The following PXDNL variants were observed in gnomAD, a reference collection of about 807,000 sequenced individuals.
The protein encoded by PXDNL is probable oxidoreductase PXDNL.
In PXDNL, 145 loss-of-function variants were observed where a neutral mutation model predicts 150.8. That is an observed-to-expected ratio of 0.96 (90% CI 0.84 to 1.10). The LOEUF is 1.10. Ranked by LOEUF, PXDNL falls within the 50% of genes least tolerant of loss-of-function variation. PXDNL has a pLI of 0.00. For synonymous variants in PXDNL, 757 were observed against 725.7 expected, an observed-to-expected ratio of 1.04 and a Z score of -0.69; for missense variants, 2,087 against 1,873.9, an observed-to-expected ratio of 1.11 and a Z score of -2.10.
In PXDNL at chr8:51,345,833, C is replaced by A. The variant is rs193274927; in HGVS notation, c.4016G>T (p.Arg1339Met). The change falls in exon 20 of 23, where the codon AGG becomes ATG. Residue 1339 changes from arginine (R) to methionine (M), a missense_variant and splice_region_variant. Arg to Met is a moderately conservative substitution (Grantham distance 91). Coordinates refer to ENST00000356297, the MANE Select transcript of PXDNL (RefSeq NM_144651.5). ...AGAAATGAGATATTTCTATACATAC[C>A]TACTTCTTAGATGACTTAACTCCAT... ...KDMELSHLRS[R>M]QQDKIYVGED... The A allele has an allele frequency of 1.9e-6, 3 of 1,571,504 alleles. No individual in the cohort carries two copies. The South Asian group carries it at 3.3e-5, about 17-fold the overall frequency.
At chr8:51,364,523 C>A (rs1001059706) in intron 19 of PXDNL, among the ~76,000 whole-genome samples, 2 of 152,018 alleles carry the variant, frequency 1.3e-5, no homozygotes, top group African/African-American at 4.8e-5. Context: ...CTTCTATGAA[C>A]AATAAAAGTG....
At chr8:51,697,930 G>C (rs1329200547) in intron 1 of PXDNL, among the ~76,000 whole-genome samples, 3 of 152,202 alleles carry the variant, frequency 2.0e-5, no homozygotes, top group Non-Finnish European at 2.9e-5. Context: ...GTACAAACAT[G>C]TTACGTTTAG....
At chr8:51,393,003 A>T (rs1345312121) in intron 17 of PXDNL, among the ~76,000 whole-genome samples, 3 of 152,200 alleles carry the variant, frequency 2.0e-5, no homozygotes, top group African/African-American at 7.2e-5. Context: ...GAAAATACTG[A>T]GTTACATGTC....
At chr8:51,603,620 G>C (rs1030310190) in intron 2 of PXDNL, among the ~76,000 whole-genome samples, 2 of 151,706 alleles carry the variant, frequency 1.3e-5, no homozygotes, top group African/African-American at 4.8e-5. Context: ...GGTGAATGTG[G>C]GTTGCACTAT....
chr8:51,790,706 G>A (rs2037503782), intron 1 of PXDNL, among the ~76,000 whole-genome samples: 2 of 92,844 alleles, frequency 2.2e-5, no homozygotes, highest in Non-Finnish European at 6.0e-5. Flanking sequence ...GGCAGCGGGG[G>A]CGAGGTCCGG....
chr8:51,748,370 T>A (rs4873204), intron 1 of PXDNL, among the ~76,000 whole-genome samples: 1 of 152,202 alleles, frequency 6.6e-6, no homozygotes, highest in Non-Finnish European at 1.5e-5. Context: ...TGTCCTCAGT[T>A]ATCATCTTTC....
intron 2 of PXDNL, among the ~76,000 whole-genome samples, chr8:51,621,712 G>A (rs1420087856): frequency 6.6e-6 from 1 of 151,970 alleles, no homozygotes; most frequent in Non-Finnish European, 1.5e-5. Flanking sequence ...GGCTGAGGTG[G>A]GCGGATCACT....
At chr8:51,745,022 G>T (rs71512159) in intron 1 of PXDNL, among the ~76,000 whole-genome samples, 20,726 of 147,316 alleles carry the variant, frequency 0.14, 2,076 homozygotes, top group Non-Finnish European at 0.19. Context: ...AAGGAAGAAA[G>T]AAAGAAATCA....
At chr8:51,386,754 T>C (rs1334605249) in intron 17 of PXDNL, among the ~76,000 whole-genome samples, 1 of 151,546 alleles carries the variant, frequency 6.6e-6, no homozygotes, top group African/African-American at 2.4e-5. Flanking sequence ...GAGGTGGAGG[T>C]TGTAGTGAGC....
At chr8:51,516,341 A>G (rs1455249975) in intron 4 of PXDNL, among the ~76,000 whole-genome samples, 1 of 152,216 alleles carries the variant, frequency 6.6e-6, no homozygotes, top group Non-Finnish European at 1.5e-5. Flanking sequence ...CAACTCTAGA[A>G]AGAAGTTAAT....
chr8:51,471,137 TA>T (rs1209210044), intron 8 of PXDNL, among the ~76,000 whole-genome samples: 11 of 50,782 alleles, frequency 2.2e-4, no homozygotes, highest in African/African-American at 7.2e-4. Context: ...TAAACAAATT[TA>T]CAAAAAAAAA....
At chr8:51,589,143 T>C (rs1813386388) in intron 3 of PXDNL, among the ~76,000 whole-genome samples, 1 of 152,160 alleles carries the variant, frequency 6.6e-6, no homozygotes, top group East Asian at 1.9e-4. Flanking sequence ...AAGAAGGCCC[T>C]CTCCAGATGC....
intron 1 of PXDNL, among the ~76,000 whole-genome samples, chr8:51,726,896 C>T (rs1268195895): frequency 3.3e-5 from 5 of 152,048 alleles, no homozygotes; most frequent in Admixed American, 3.3e-4. Flanking sequence ...ATTCTTAGAC[C>T]CAGGCAATAC....
intron 2 of PXDNL, among the ~76,000 whole-genome samples, chr8:51,653,091 G>A (rs1023317873): frequency 6.6e-6 from 1 of 152,144 alleles, no homozygotes; most frequent in African/African-American, 2.4e-5. Context: ...AGTAGACAGT[G>A]GTGAAAGGCT....
intron 9 of PXDNL, among the ~76,000 whole-genome samples, chr8:51,454,704 T>C (rs1478110746): frequency 1.3e-5 from 2 of 152,184 alleles, no homozygotes; most frequent in African/African-American, 4.8e-5. Flanking sequence ...ATAAATTAAA[T>C]TAATCCAATT....
intron 21 of PXDNL, among the ~76,000 whole-genome samples, chr8:51,332,149 C>G: frequency 6.6e-6 from 1 of 152,178 alleles, no homozygotes; most frequent in Non-Finnish European, 1.5e-5. Context: ...GTTCATATCA[C>G]AGATTTCTGT....
intron 1 of PXDNL, among the ~76,000 whole-genome samples, chr8:51,707,369 C>A (rs1289254201): frequency 6.6e-6 from 1 of 152,082 alleles, no homozygotes; most frequent in South Asian, 2.1e-4. Context: ...ATTTAAAATG[C>A]ACTTAATGTA....
At chr8:51,357,420 G>T (rs1806544571) in intron 19 of PXDNL, among the ~76,000 whole-genome samples, 1 of 152,160 alleles carries the variant, frequency 6.6e-6, no homozygotes, top group Non-Finnish European at 1.5e-5. Flanking sequence ...CCAGTAAAAT[G>T]CTGGGTGGCC....
intron 6 of PXDNL, among the ~76,000 whole-genome samples, chr8:51,477,555 G>T (rs766863133): frequency 6.6e-6 from 1 of 152,194 alleles, no homozygotes; most frequent in African/African-American, 2.4e-5. Flanking sequence ...CAACAGTATT[G>T]TGTTCGAAGT....
Sources: gnomAD v4.1 joint callset for allele counts (sites outside exome capture counted in the v4.1 genomes callset) on GRCh38, gnomAD v4.1.1 for gene constraint, MANE v1.5 for transcripts, NCBI Gene and HGNC (gene_info 2026-07-23, HGNC 2026-07-21) for gene names.